The following PTPRD variants were observed in gnomAD, a reference collection of about 807,000 sequenced individuals.
The protein encoded by PTPRD is protein tyrosine phosphatase receptor type D, also known as receptor-type tyrosine-protein phosphatase delta.
PTPRD carries 34 observed loss-of-function variants against 214.5 expected under a neutral mutation model. That is an observed-to-expected ratio of 0.16 (90% confidence interval 0.12 to 0.21). The LOEUF is 0.21. Among genes scored for constraint, PTPRD ranks in the 10% least tolerant of loss-of-function variants. The probability of loss-of-function intolerance (pLI) is 1.00; values close to 1 mark genes in which losing one functional copy is unlikely to be tolerated. For synonymous variants in PTPRD, 1,128 were observed against 845.7 expected, an observed-to-expected ratio of 1.33 and a Z score of -5.79; for missense variants, 2,545 against 2,398.7, an observed-to-expected ratio of 1.06 and a Z score of -1.27.
intron 2 of PTPRD, among the ~76,000 whole-genome samples, chr9:10,341,262 A>C (rs1334792694): frequency 6.6e-6 from 1 of 152,026 alleles, no homozygotes; most frequent in Non-Finnish European, 1.5e-5. Flanking sequence ...GCTTACTCAG[A>C]AAGTACATAC....
chr9:8,622,394 T>C (rs1013663042), intron 14 of PTPRD, among the ~76,000 whole-genome samples: 1 of 152,018 alleles, frequency 6.6e-6, no homozygotes, highest in Non-Finnish European at 1.5e-5. Context: ...TACTGTCATA[T>C]TGATGGAATA....
intron 11 of PTPRD, among the ~76,000 whole-genome samples, chr9:8,778,297 T>C (rs953595869): frequency 7.2e-5 from 11 of 152,190 alleles, no homozygotes; most frequent in African/African-American, 2.2e-4. Context: ...CTTGAGATAA[T>C]TGCCTTTTTA....
At chr9:8,595,670 A>T (rs919151313) in intron 14 of PTPRD, among the ~76,000 whole-genome samples, 1 of 152,206 alleles carries the variant, frequency 6.6e-6, no homozygotes, top group Non-Finnish European at 1.5e-5. Context: ...AGTGCATCGA[A>T]AAGTTAGTTT....
chr9:8,442,822 G>A (rs2095591769), intron 34 of PTPRD, among the ~76,000 whole-genome samples: 1 of 152,130 alleles, frequency 6.6e-6, no homozygotes, highest in Non-Finnish European at 1.5e-5. Context: ...ATGACAATTA[G>A]ATTTAATTTG....
intron 14 of PTPRD, among the ~76,000 whole-genome samples, chr9:8,621,770 A>G (rs1186549953): frequency 6.6e-6 from 1 of 151,958 alleles, no homozygotes; most frequent in East Asian, 1.9e-4. Context: ...CTGGAAATTC[A>G]GATCTATCAT....
intron 11 of PTPRD, among the ~76,000 whole-genome samples, chr9:8,900,041 G>A (rs1020630013): frequency 6.6e-5 from 10 of 152,260 alleles, no homozygotes; most frequent in African/African-American, 2.2e-4. Context: ...TTTGGTCAGT[G>A]TAGATGTGTA....
chr9:8,476,713 A>AC (rs1483083319), intron 30 of PTPRD, among the ~76,000 whole-genome samples: 2 of 152,178 alleles, frequency 1.3e-5, no homozygotes, highest in East Asian at 3.9e-4. Context: ...TACATATAAT[A>AC]CCCCCAACAT....
chr9:9,098,984 A>G (rs1478954588), intron 10 of PTPRD, among the ~76,000 whole-genome samples: 1 of 152,228 alleles, frequency 6.6e-6, no homozygotes, highest in Non-Finnish European at 1.5e-5. Context: ...GACAGTGAAA[A>G]AGAAAAAATG....
chr9:10,356,399 T>G (rs963437522), intron 2 of PTPRD, among the ~76,000 whole-genome samples: 2 of 152,212 alleles, frequency 1.3e-5, no homozygotes, highest in African/African-American at 2.4e-5. Context: ...ATACTCAAAA[T>G]GATATTTGAA....
At chr9:8,487,741 C>A (rs1014442247) in intron 27 of PTPRD, among the ~76,000 whole-genome samples, 23 of 152,064 alleles carry the variant, frequency 1.5e-4, no homozygotes, top group Non-Finnish European at 5.9e-5. Flanking sequence ...ACCCGGGAGG[C>A]AGAGGTTGCA....
chr9:8,394,908 C>G (rs1430821795), intron 36 of PTPRD, among the ~76,000 whole-genome samples: 1 of 151,960 alleles, frequency 6.6e-6, no homozygotes, highest in Non-Finnish European at 1.5e-5. Flanking sequence ...GGTGGTCTGT[C>G]CATGGAAAGA....
chr9:8,862,481 G>C (rs1050170412), intron 11 of PTPRD, among the ~76,000 whole-genome samples: 2 of 152,184 alleles, frequency 1.3e-5, no homozygotes, highest in Admixed American at 1.3e-4. Context: ...GATTCTACCA[G>C]TAACATTGCA....
At chr9:10,045,111 T>G (rs2097365396) in intron 3 of PTPRD, among the ~76,000 whole-genome samples, 1 of 151,830 alleles carries the variant, frequency 6.6e-6, no homozygotes, top group African/African-American at 2.4e-5. Context: ...GGTAATCATC[T>G]ATGAACTAAT....
At chr9:9,634,124 T>A (rs1336083957) in intron 7 of PTPRD, among the ~76,000 whole-genome samples, 2 of 152,108 alleles carry the variant, frequency 1.3e-5, no homozygotes, top group Admixed American at 1.3e-4. Context: ...GCTTCAATTG[T>A]GTGGTCAAAA....
rs2130469289 is a variant in PTPRD, at chr9:8,317,961, G to A, written c.5671-19C>T. The A allele has an allele frequency of 6.2e-7, 1 of 1,607,474 alleles. No homozygotes were observed. The highest frequency in any genetic ancestry group is 1.1e-5 in the South Asian group (1 of 90,922). ...ATTGATCCTGCAGGAGACAATGAAT[G>A]GGGAGAAGCAAAAGAAGGGACCATG... On this transcript the variant is annotated intron_variant, in intron 45 of 45. Transcript: ENST00000381196.
chr9:10,427,547 T>C (rs1237153926), intron 2 of PTPRD, among the ~76,000 whole-genome samples: 1 of 152,006 alleles, frequency 6.6e-6, no homozygotes, highest in Non-Finnish European at 1.5e-5. Flanking sequence ...CCACTGCATA[T>C]GGTCCACTGA....
chr9:9,446,341 A>G (rs1424854529), intron 8 of PTPRD, among the ~76,000 whole-genome samples: 2 of 152,172 alleles, frequency 1.3e-5, no homozygotes, highest in South Asian at 4.1e-4. Flanking sequence ...AACAAGGAAG[A>G]GAGGATACCT....
intron 11 of PTPRD, among the ~76,000 whole-genome samples, chr9:8,859,681 T>C (rs1368390149): frequency 1.3e-5 from 2 of 152,160 alleles, no homozygotes; most frequent in African/African-American, 4.8e-5. Flanking sequence ...ACCATCTGCA[T>C]GCTGTGCTCC....
At chr9:8,567,533 T>C (rs1222478224) in intron 14 of PTPRD, among the ~76,000 whole-genome samples, 3 of 152,228 alleles carry the variant, frequency 2.0e-5, no homozygotes, top group Non-Finnish European at 4.4e-5. Flanking sequence ...AGGAATGGAA[T>C]GGCACAGTCA....
Sources: gnomAD v4.1 joint callset for allele counts (sites outside exome capture counted in the v4.1 genomes callset) on GRCh38, gnomAD v4.1.1 for gene constraint, MANE v1.5 for transcripts, NCBI Gene and HGNC (gene_info 2026-07-23, HGNC 2026-07-21) for gene names.